Variants in WASHC5 observed in about 807,000 individuals in gnomAD.
WASHC5 encodes WASH complex subunit 5.
WASHC5 carries 101 observed loss-of-function variants against 150.4 expected under a neutral mutation model. The observed-to-expected ratio is 0.67, with a 90% CI of 0.57 to 0.79. The LOEUF (loss-of-function observed/expected upper bound fraction) is 0.79, where lower values mean the gene tolerates loss of function less well. Among genes scored for constraint, WASHC5 ranks in the 30% least tolerant of loss-of-function variants. The pLI, the probability that WASHC5 is intolerant of heterozygous loss-of-function variation, is 0.00. For synonymous variants in WASHC5, 467 were observed against 491.2 expected (o/e 0.95, Z 0.65); for missense variants, 1,195 against 1,396.3 (o/e 0.86, Z 2.30).
chr8:125,069,704 CA>C (rs1816847925), intron 9 of WASHC5, among the ~76,000 whole-genome samples: 1 of 152,114 alleles, frequency 6.6e-6, no homozygotes, highest in Admixed American at 6.5e-5. Context: ...TGGGAAACTG[CA>C]AAGTTCTGAT....
chr8:125,090,061 TCTC>T (rs1817555354), intron 1 of WASHC5, among the ~76,000 whole-genome samples: 1 of 152,234 alleles, frequency 6.6e-6, no homozygotes, highest in African/African-American at 2.4e-5. Context: ...AATGCAAGCA[TCTC>T]CTGCTAAGTT....
chr8:125,047,300 G>A lies in WASHC5; in HGVS notation c.2411C>T (p.Thr804Ile), dbSNP rs1358712309. 1.2e-6 allele frequency: 2 copies of A among 1,613,946 alleles called. No individual in the cohort carries two copies. The highest frequency in any genetic ancestry group is 1.3e-5 in the African/African-American group (1 of 75,038). The change falls in exon 20 of 29, where the codon ACT becomes ATT. Residue 804 changes from threonine (T) to isoleucine (I), a missense_variant. Physicochemically the swap from Thr to Ile is moderately conservative, Grantham distance 89. This residue lies in a region of WASHC5 where 997 missense variants were observed against 1,168.1 expected (regional missense o/e 0.85). Transcript: ENST00000318410. ...GGTAAACTTGGGTATTGGAATATGA[G>A]TGGACTGGTACATGCTTTGCCAATC... is the stretch of plus-strand genomic sequence containing the variant. Reference protein sequence around the residue: ...IQDWQSMYQSTHIPIPKFTPV... With the variant: ...IQDWQSMYQSIHIPIPKFTPV...
At chr8:125,075,487 G>A (rs942948695) in intron 7 of WASHC5, among the ~76,000 whole-genome samples, 1 of 152,146 alleles carries the variant, frequency 6.6e-6, no homozygotes, top group Non-Finnish European at 1.5e-5. Flanking sequence ...CAGGTTTCAT[G>A]TAATTGGATT....
At chr8:125,047,038 G>A (rs902587313) in intron 20 of WASHC5, among the ~76,000 whole-genome samples, 169 bp downstream of exon 20, 8 of 152,134 alleles carry the variant, frequency 5.3e-5, no homozygotes, top group South Asian at 2.1e-4. Context: ...GTGACAGACC[G>A]GTATCAGTCT....
At chr8:125,070,445 C>A (rs1816864996) in intron 9 of WASHC5, among the ~76,000 whole-genome samples, 1 of 152,190 alleles carries the variant, frequency 6.6e-6, no homozygotes, top group Non-Finnish European at 1.5e-5. Context: ...TTGTCCCTGG[C>A]ATGGGTGCGA....
Position 125,028,697 on chromosome 8 carries a change from G to T in WASHC5, c.3346C>A (p.Pro1116Thr). The T allele has an allele frequency of 3.1e-6, 5 of 1,613,028 alleles. No homozygotes were observed. The highest frequency in any genetic ancestry group is 4.2e-6 in the Non-Finnish European group (5 of 1,179,088). ...TVEQCTSQKI[P>T]EIPADVVGAL... ...CCCACAACATCTGCAGGAATTTCAGGTATCTTCTGGCTGTGATAGAGAACA... is the reference window on the plus strand; with the variant it reads ...CCCACAACATCTGCAGGAATTTCAGTTATCTTCTGGCTGTGATAGAGAACA... Residue 1116 changes from proline (P) to threonine (T), a missense_variant, in exon 28 of 29, where the codon CCT (proline) becomes ACT (threonine). Transcript: ENST00000318410.
rs879240237 is a variant in WASHC5, at chr8:125,028,822, C to CA, written c.3336-116dup. On this transcript the variant is annotated intron_variant, in intron 27 of 28. Coordinates refer to ENST00000318410, the MANE Select transcript of WASHC5 (RefSeq NM_014846.4). ...ATTACCTAATGAAGTCAAAGATGAA[C>CA]AAAAACATTGAGCATGCTCTTAATT... is the stretch of plus-strand genomic sequence containing the variant. 11 of 742,060 alleles carry CA rather than the reference C, an allele frequency of 1.5e-5. No homozygotes were observed. In the South Asian group the frequency reaches 1.6e-4, roughly 11 times the overall value. 46.0% of individuals were successfully genotyped at this position (742,060 alleles called of 1,614,324 possible).
intron 1 of WASHC5, among the ~76,000 whole-genome samples, chr8:125,086,071 G>A (rs1233672519): frequency 6.6e-6 from 1 of 152,120 alleles, no homozygotes; most frequent in Non-Finnish European, 1.5e-5. Context: ...TTAAGTGAAG[G>A]GCTGAACCTT....
intron 3 of WASHC5, 113 bp downstream of exon 3, chr8:125,083,000 A>C: frequency 6.8e-6 from 5 of 730,126 alleles, no homozygotes; most frequent in South Asian, 5.3e-5. Flanking sequence ...TATACAGTAT[A>C]AACTAAATTA....
intron 19 of WASHC5, among the ~76,000 whole-genome samples, chr8:125,048,124 C>T (rs1816128833): frequency 6.6e-6 from 1 of 152,186 alleles, no homozygotes. Context: ...GGTGAGGTGA[C>T]AAACGAGAAG....
chr8:125,044,046 G>C lies in WASHC5; in HGVS notation c.2716C>G (p.Gln906Glu), dbSNP rs757250722. 2.4e-5 allele frequency: 38 copies of C among 1,613,616 alleles called. No individual in the cohort carries two copies. The highest frequency in any genetic ancestry group is 3.2e-5 in the Non-Finnish European group (38 of 1,179,700). Residue 906 changes from glutamine (Q) to glutamate (E), a missense_variant, in exon 22 of 29, where the codon CAG becomes GAG. Physicochemically the swap from Gln to Glu is conservative, Grantham distance 29 (BLOSUM62 2). Transcript: ENST00000318410. ...TTCATGAGGGTTTTTAAAGTGTCCT[G>C]AACAGTTCTGTCTCTCAGGATAATT... The part of the protein sequence containing the change: ...QKIILRDRTV[Q>E]DTLKTLMNAV...
rs1815312443 is a variant in WASHC5, at chr8:125,024,398, T to C, written c.*219A>G. On this transcript the variant is annotated 3_prime_UTR_variant, in exon 29 of 29. Coordinates refer to ENST00000318410, the MANE Select transcript of WASHC5 (RefSeq NM_014846.4). ...GCAGTACAAAAATGTGTTCTGCTTT[T>C]ATCTGATATAAATTGCATGTAATAC... 3 of 599,460 alleles carry C rather than the reference T, an allele frequency of 5.0e-6. No homozygotes were observed. Among genetic ancestry groups the C allele is most frequent in the Non-Finnish European group, 9.1e-6 (3 of 330,384 alleles). 37.1% of individuals were successfully genotyped at this position (599,460 alleles called of 1,614,324 possible).
rs146613985 is a variant in WASHC5 at position 125,037,588 on chromosome 8, C to G, written c.3085-255G>C. On this transcript the variant is annotated intron_variant, in intron 25 of 28. Coordinates refer to ENST00000318410, the MANE Select transcript of WASHC5 (RefSeq NM_014846.4). ...CTTAGAAAGACTTTTCCCCTGAATC[C>G]TGTTAATGTCATTAATAAAGGGAGG... is the stretch of plus-strand genomic sequence containing the variant. Among the ~76,000 whole-genome samples, 4 of 152,160 alleles carry G rather than the reference C, an allele frequency of 2.6e-5. No homozygotes were observed. The East Asian group carries it at 7.7e-4, about 29-fold the overall frequency.
At chr8:125,037,448 G>T in intron 25 of WASHC5, 115 bp from the exon 26 acceptor site, 1 of 735,592 alleles carries the variant, frequency 1.4e-6, no homozygotes. Context: ...TGGCTTTCCT[G>T]AAATGTGGAT....
At chr8:125,066,355 T>G (rs996806498) in intron 10 of WASHC5, among the ~76,000 whole-genome samples, 8 of 152,182 alleles carry the variant, frequency 5.3e-5, no homozygotes, top group Admixed American at 4.6e-4. Context: ...TCTAATATAC[T>G]AGTAACCATA....
chr8:125,082,681 C>G (rs982628930), intron 3 of WASHC5, among the ~76,000 whole-genome samples: 1 of 152,118 alleles, frequency 6.6e-6, no homozygotes, highest in Non-Finnish European at 1.5e-5. Flanking sequence ...GAAATATTCC[C>G]TAGTCCTGAT....
rs1244607930 is a variant in WASHC5 at position 125,081,751 on chromosome 8, A to G, written c.428T>C (p.Leu143Pro). The G allele has an allele frequency of 1.2e-6, 2 of 1,602,948 alleles. No individual in the cohort carries two copies. Among genetic ancestry groups the G allele is most frequent in the Non-Finnish European group, 1.7e-6 (2 of 1,170,018 alleles). Reference protein sequence around the residue: ...EDGKQLLCEALYLYGVMLLVI... With the variant: ...EDGKQLLCEAPYLYGVMLLVI... ...CAGTAGCATAACTCCATATAAGTACAGTGCTTCACACTAAGAAGAGAAGAG... is the reference window on the plus strand; with the variant it reads ...CAGTAGCATAACTCCATATAAGTACGGTGCTTCACACTAAGAAGAGAAGAG... The change falls in exon 5 of 29, where the codon CTG becomes CCG. Residue 143 changes from leucine to proline, a missense_variant. By Grantham distance (98) the Leu-to-Pro change is moderately conservative (BLOSUM62 -3). This residue lies in a region of WASHC5 where 195 missense variants were observed against 206.9 expected (regional missense o/e 0.94). Transcript: ENST00000318410.
At chr8:125,075,724 T>C (rs2033133) in intron 7 of WASHC5, among the ~76,000 whole-genome samples, 3,800 of 152,274 alleles carry the variant, frequency 0.025, 148 homozygotes, top group African/African-American at 0.087. Flanking sequence ...GTTTATGTGA[T>C]TCAACAGCCG....
intron 9 of WASHC5, among the ~76,000 whole-genome samples, chr8:125,068,907 T>C (rs1211287476): frequency 2.0e-5 from 3 of 152,238 alleles, no homozygotes; most frequent in African/African-American, 7.2e-5. Flanking sequence ...GTTAAAAGAA[T>C]AGAATAAAAA....
Sources: allele counts gnomAD v4.1 joint callset (sites outside exome capture counted in the v4.1 genomes callset), GRCh38; gene constraint gnomAD v4.1.1; regional missense constraint gnomAD v4.1.1; transcripts MANE v1.5; gene names NCBI Gene and HGNC (gene_info 2026-07-23, HGNC 2026-07-21).